The following SYT1 variants were observed in gnomAD, a reference collection of about 807,000 sequenced individuals.
SYT1 encodes synaptotagmin 1.
In SYT1, 8 loss-of-function variants were observed where a neutral mutation model predicts 44.8. That is an observed-to-expected ratio of 0.18 (90% CI 0.10 to 0.32). The LOEUF (loss-of-function observed/expected upper bound fraction) is 0.32. SYT1 is among the 10% of genes least tolerant of loss of function. SYT1 has a pLI of 1.00. For synonymous variants in SYT1, 154 were observed against 188.8 expected, an observed-to-expected ratio of 0.82 and a Z score of 1.51; for missense variants, 286 against 509.3, an observed-to-expected ratio of 0.56 and a Z score of 4.22.
intron 1 of SYT1, among the ~76,000 whole-genome samples, chr12:78,898,411 C>G (rs994739698): frequency 6.6e-6 from 1 of 152,014 alleles, no homozygotes; most frequent in East Asian, 1.9e-4. Context: ...CATTTACTTT[C>G]CTTTTGGTTA....
intron 9 of SYT1, among the ~76,000 whole-genome samples, chr12:79,365,267 G>A (rs897444216): frequency 3.3e-5 from 5 of 151,880 alleles, no homozygotes; most frequent in African/African-American, 1.2e-4. Flanking sequence ...AATATATAAT[G>A]GAGATCCTTT....
intron 2 of SYT1, among the ~76,000 whole-genome samples, chr12:79,001,793 G>T (rs746809010): frequency 6.6e-6 from 1 of 152,028 alleles, no homozygotes; most frequent in Non-Finnish European, 1.5e-5. Flanking sequence ...TTGCTGAAAG[G>T]TACAGACTTA....
chr12:79,092,295 T>A (rs1385589422), intron 3 of SYT1, among the ~76,000 whole-genome samples: 1 of 151,876 alleles, frequency 6.6e-6, no homozygotes, highest in Non-Finnish European at 1.5e-5. Flanking sequence ...GGCAAAGCCT[T>A]GGTAATATGG....
chr12:79,386,466 A>G (rs901245693), intron 9 of SYT1, among the ~76,000 whole-genome samples: 5 of 151,894 alleles, frequency 3.3e-5, no homozygotes, highest in African/African-American at 1.2e-4. Context: ...CCCATCATCT[A>G]CATTAGGTAT....
chr12:79,264,390 C>T (rs999793623), intron 4 of SYT1, among the ~76,000 whole-genome samples: 8 of 151,916 alleles, frequency 5.3e-5, no homozygotes, highest in South Asian at 2.1e-4. Flanking sequence ...TCAGTGGAAA[C>T]GTGATAAAGT....
At chr12:79,269,884 A>G (rs1878330410) in intron 4 of SYT1, among the ~76,000 whole-genome samples, 2 of 152,194 alleles carry the variant, frequency 1.3e-5, no homozygotes, top group African/African-American at 4.8e-5. Flanking sequence ...TTTAGGCTAT[A>G]ATGAGAAATT....
chr12:78,934,282 T>C (rs960317914), intron 1 of SYT1, among the ~76,000 whole-genome samples: 7 of 151,792 alleles, frequency 4.6e-5, no homozygotes, highest in Admixed American at 4.6e-4. Flanking sequence ...GTGGAGATAA[T>C]TGAATCACAG....
Position 79,409,008 on chromosome 12 carries a change from G to T in SYT1, c.929-35065G>T, listed in dbSNP as rs542348155. ...TGGCAGCAAGGTCAAATTTCTCATCGGGCCAGCATTACATTCTCAGGTGTA... is the reference window on the plus strand; with the variant it reads ...TGGCAGCAAGGTCAAATTTCTCATCTGGCCAGCATTACATTCTCAGGTGTA... On this transcript the variant is annotated intron_variant, in intron 9 of 10. Coordinates refer to ENST00000261205, the MANE Select transcript of SYT1 (RefSeq NM_005639.3). Among the ~76,000 whole-genome samples, 14 of 151,744 alleles carry T rather than the reference G, an allele frequency of 9.2e-5. No homozygotes were observed. The South Asian group carries it at 1.7e-3, about 18-fold the overall frequency.
chr12:79,360,164 A>T (rs1883264468), intron 9 of SYT1, among the ~76,000 whole-genome samples: 3 of 152,068 alleles, frequency 2.0e-5, no homozygotes, highest in African/African-American at 7.2e-5. Context: ...ATTTTAACTG[A>T]GGCCTAGGTC....
chr12:79,167,359 A>G (rs1273064375), intron 3 of SYT1, among the ~76,000 whole-genome samples: 1 of 151,980 alleles, frequency 6.6e-6, no homozygotes, highest in Non-Finnish European at 1.5e-5. Flanking sequence ...CTTTTTATTG[A>G]GAATCAGTTG....
intron 2 of SYT1, among the ~76,000 whole-genome samples, chr12:79,036,851 C>T (rs1873167581): frequency 6.6e-6 from 1 of 151,660 alleles, no homozygotes; most frequent in African/African-American, 2.4e-5. Flanking sequence ...ATAAACGGAC[C>T]TGTATGCAGA....
chr12:79,412,472 C>T (rs1445079368), intron 9 of SYT1, among the ~76,000 whole-genome samples: 1 of 152,112 alleles, frequency 6.6e-6, no homozygotes, highest in Non-Finnish European at 1.5e-5. Context: ...ACTACTTTCC[C>T]TGGGGCTGGC....
intron 1 of SYT1, among the ~76,000 whole-genome samples, chr12:78,865,777 A>G (rs1036426365): frequency 6.6e-6 from 1 of 151,958 alleles, no homozygotes; most frequent in Non-Finnish European, 1.5e-5. Context: ...CGACAATCCA[A>G]CCCACTTTCA....
intron 3 of SYT1, among the ~76,000 whole-genome samples, chr12:79,151,551 A>G (rs1870273306): frequency 6.6e-6 from 1 of 152,270 alleles, no homozygotes; most frequent in Non-Finnish European, 1.5e-5. Flanking sequence ...ATAATAAAAA[A>G]CATCACCCTA....
chr12:79,064,075 T>C (rs1414813121), intron 3 of SYT1, among the ~76,000 whole-genome samples: 1 of 144,452 alleles, frequency 6.9e-6, no homozygotes, highest in African/African-American at 2.7e-5. Context: ...GCATAAAGCT[T>C]AGTGCACAAG....
At chr12:79,342,094 G>A in intron 8 of SYT1, among the ~76,000 whole-genome samples, 1 of 152,134 alleles carries the variant, frequency 6.6e-6, no homozygotes, top group South Asian at 2.1e-4. Flanking sequence ...TTGCGCAGAG[G>A]GAGAAAGAGG....
intron 1 of SYT1, among the ~76,000 whole-genome samples, chr12:78,940,419 C>G (rs1181506968): frequency 6.6e-6 from 1 of 152,196 alleles, no homozygotes; most frequent in African/African-American, 2.4e-5. Context: ...GAGACAGTGA[C>G]TTGCCTATTG....
At chr12:79,005,797 A>G (rs999439109) in intron 2 of SYT1, among the ~76,000 whole-genome samples, 8 of 152,116 alleles carry the variant, frequency 5.3e-5, no homozygotes, top group South Asian at 2.1e-4. Flanking sequence ...GTTCAAAAGT[A>G]ATTTCAAGTT....
At chr12:79,381,629 C>G (rs1262951530) in intron 9 of SYT1, among the ~76,000 whole-genome samples, 1 of 152,160 alleles carries the variant, frequency 6.6e-6, no homozygotes, top group African/African-American at 2.4e-5. Flanking sequence ...GAGATAATAC[C>G]TACACCTGTT....
Sources: allele counts gnomAD v4.1 joint callset (sites outside exome capture counted in the v4.1 genomes callset), GRCh38; gene constraint gnomAD v4.1.1; transcripts MANE v1.5; gene names NCBI Gene and HGNC (gene_info 2026-07-23, HGNC 2026-07-21).